RANBP2: variants seen among roughly 807,000 people sequenced by gnomAD.
RANBP2 encodes RAN binding protein 2.
A neutral mutation model predicts 303.6 loss-of-function variants in RANBP2; 57 were observed. That is an observed-to-expected ratio of 0.19 (90% CI 0.15 to 0.23). The LOEUF is 0.23. Among genes scored for constraint, RANBP2 ranks in the 10% least tolerant of loss-of-function variants. RANBP2 has a pLI of 1.00. For missense variants in RANBP2, 3,138 were observed against 3,780.8 expected, an observed-to-expected ratio of 0.83 and a Z score of 4.46; for synonymous variants, 1,167 against 1,301.5, an observed-to-expected ratio of 0.90 and a Z score of 2.23.
chr2:109,015,167 A>T, the RANBP2 span, among the ~76,000 whole-genome samples: 1 of 144,214 alleles, frequency 6.9e-6, no homozygotes. Context: ...AAAGATAGTA[A>T]TAGAACTCAG....
the RANBP2 span, among the ~76,000 whole-genome samples, chr2:109,626,101 TC>T: frequency 6.6e-6 from 1 of 152,244 alleles, no homozygotes; most frequent in East Asian, 1.9e-4. Flanking sequence ...GACCTTGGTC[TC>T]CCTTGCTATA....
At chr2:108,927,370 C>T in the RANBP2 span, among the ~76,000 whole-genome samples, 5 of 152,312 alleles carry the variant, frequency 3.3e-5, no homozygotes, top group Admixed American at 6.5e-5. Flanking sequence ...ACTAATTCTG[C>T]AGATGGCTGT....
the RANBP2 span, among the ~76,000 whole-genome samples, chr2:109,176,688 G>C: frequency 2.0e-5 from 3 of 152,168 alleles, no homozygotes; most frequent in Non-Finnish European, 4.4e-5. Flanking sequence ...AGTGAGCTAT[G>C]ATGGTGTCAC....
chr2:109,295,353 C>T, the RANBP2 span, among the ~76,000 whole-genome samples: 1 of 152,254 alleles, frequency 6.6e-6, no homozygotes, highest in Non-Finnish European at 1.5e-5. Flanking sequence ...GCTCAAGTCA[C>T]ACAGCTGGTG....
chr2:108,812,035 T>TA, the RANBP2 span, among the ~76,000 whole-genome samples: 1 of 151,908 alleles, frequency 6.6e-6, no homozygotes, highest in South Asian at 2.1e-4. Flanking sequence ...AGTAATATAA[T>TA]AAAAAAATAA....
At chr2:109,347,222 T>C in the RANBP2 span, among the ~76,000 whole-genome samples, 1 of 152,166 alleles carries the variant, frequency 6.6e-6, no homozygotes, top group African/African-American at 2.4e-5. Context: ...TAGGAGCCAG[T>C]GGAAAATGAT....
At chr2:109,682,358 T>C in the RANBP2 span, among the ~76,000 whole-genome samples, 1 of 152,162 alleles carries the variant, frequency 6.6e-6, no homozygotes, top group Admixed American at 6.5e-5. Flanking sequence ...CTTGTTTATT[T>C]GAAATTCAGA....
the RANBP2 span, among the ~76,000 whole-genome samples, chr2:109,451,766 A>G: frequency 2.0e-5 from 3 of 152,350 alleles, no homozygotes; most frequent in South Asian, 2.1e-4. Context: ...ACATGCAGGG[A>G]CGCCCTGCCA....
At chr2:109,599,575 G>A in the RANBP2 span, among the ~76,000 whole-genome samples, 321 of 152,064 alleles carry the variant, frequency 2.1e-3, no homozygotes, top group African/African-American at 6.7e-3. Context: ...GAGGGTGTCA[G>A]TACAGCAAGG....
the RANBP2 span, among the ~76,000 whole-genome samples, chr2:108,840,239 C>G: frequency 6.6e-6 from 1 of 151,950 alleles, no homozygotes; most frequent in Admixed American, 6.6e-5. Context: ...TTAACAAATT[C>G]TATTTGCTAA....
At chr2:109,468,592 G>A in the RANBP2 span, among the ~76,000 whole-genome samples, 12 of 152,078 alleles carry the variant, frequency 7.9e-5, no homozygotes, top group South Asian at 2.1e-4. Context: ...GGTAGCTCAC[G>A]CCTGTAATCC....
chr2:109,580,627 A>G, the RANBP2 span, among the ~76,000 whole-genome samples: 1 of 152,344 alleles, frequency 6.6e-6, no homozygotes, highest in Admixed American at 6.5e-5. Flanking sequence ...ATTAACAATG[A>G]AAGAAAGAAA....
At position 108,783,878 on chromosome 2, in the gene RANBP2, A is replaced by G. The variant is rs1451681174; in HGVS notation, c.9652A>G (p.Ile3218Val). ...PKGSVCRRIT[I>V]TECGQI ...AGGGTCTGTTTGTCGAAGAATAACT[A>G]TCACAGAATGTGGACAGATATAAAA... Residue 3218 changes from isoleucine to valine, a missense_variant, in exon 29 of 29, where the codon ATC (isoleucine) becomes GTC (valine). This residue lies in a region of RANBP2 where 22 missense variants were observed against 48.8 expected (regional missense o/e 0.45). Transcript: ENST00000283195. 8.1e-6 allele frequency: 13 copies of G among 1,612,440 alleles called. No homozygotes were observed. The highest frequency in any genetic ancestry group is 3.3e-5 in the South Asian group (3 of 91,024).
At chr2:109,008,721 TG>T in the RANBP2 span, among the ~76,000 whole-genome samples, 1 of 150,832 alleles carries the variant, frequency 6.6e-6, no homozygotes, top group Non-Finnish European at 1.5e-5. Context: ...GCTAACACAG[TG>T]AAACCCCGTC....
At chr2:109,509,174 G>A in the RANBP2 span, among the ~76,000 whole-genome samples, 5 of 152,256 alleles carry the variant, frequency 3.3e-5, no homozygotes, top group Non-Finnish European at 7.4e-5. Flanking sequence ...CCAGCACCAG[G>A]GTCACGGAGA....
chr2:108,725,692 C>A (rs1332969348), intron 1 of RANBP2, among the ~76,000 whole-genome samples: 2 of 151,934 alleles, frequency 1.3e-5, no homozygotes, highest in Admixed American at 1.3e-4. Flanking sequence ...GATCGAGCCA[C>A]TGCACTGCAG....
chr2:109,032,601 G>C, the RANBP2 span, among the ~76,000 whole-genome samples: 6 of 151,966 alleles, frequency 3.9e-5, no homozygotes, highest in Admixed American at 3.9e-4. Context: ...TGGGGTGGGG[G>C]AGTCTTTCCT....
At chr2:109,004,588 T>C in the RANBP2 span, among the ~76,000 whole-genome samples, 9 of 152,192 alleles carry the variant, frequency 5.9e-5, no homozygotes, top group African/African-American at 1.9e-4. Flanking sequence ...GTTCCACCAC[T>C]GCAAAGGCAC....
the RANBP2 span, among the ~76,000 whole-genome samples, chr2:109,203,195 C>T: frequency 6.6e-6 from 1 of 152,160 alleles, no homozygotes; most frequent in African/African-American, 2.4e-5. Context: ...GCCTTGCCCG[C>T]AAGAAGGACC....
Sources: gnomAD v4.1 joint callset for allele counts (sites outside exome capture counted in the v4.1 genomes callset) on GRCh38, gnomAD v4.1.1 for gene constraint, gnomAD v4.1.1 regional missense constraint, MANE v1.5 for transcripts, NCBI Gene and HGNC (gene_info 2026-07-23, HGNC 2026-07-21) for gene names.